Variants in COL24A1 observed in about 807,000 individuals in gnomAD.
COL24A1 encodes the protein collagen type XXIV alpha 1 chain.
A neutral mutation model predicts 253.9 loss-of-function variants in COL24A1; 224 were observed. That is an observed-to-expected ratio of 0.88 (90% CI 0.79 to 0.99). The LOEUF (loss-of-function observed/expected upper bound fraction) is 0.99, where lower values mean the gene tolerates loss of function less well. COL24A1 is among the 50% of genes least tolerant of loss of function. The pLI is 0.00. For synonymous variants in COL24A1, 685 were observed against 673.7 expected, an observed-to-expected ratio of 1.02 and a Z score of -0.26; for missense variants, 2,131 against 2,068.5, an observed-to-expected ratio of 1.03 and a Z score of -0.59.
In COL24A1 at chr1:86,065,853, C is replaced by T. The variant is rs553061936; in HGVS notation, c.1708-2094G>A. Among the ~76,000 whole-genome samples, 468 of 151,072 alleles carry T rather than the reference C, an allele frequency of 3.1e-3. 1 individual carries two copies. Among genetic ancestry groups the T allele is most frequent in the African/African-American group, 9.3e-3 (382 of 41,086 alleles). On this transcript the variant is annotated intron_variant, in intron 7 of 59. Transcript: ENST00000370571. Reference sequence around the variant, plus strand: ...TTAAAACAACAACAATAGAAAAATGCAAGTACTTAACAGTGGGGGTAGGAG... The same window carrying T: ...TTAAAACAACAACAATAGAAAAATGTAAGTACTTAACAGTGGGGGTAGGAG...
At chr1:85,995,287 T>G (rs987136800) in intron 19 of COL24A1, among the ~76,000 whole-genome samples, 13 of 152,088 alleles carry the variant, frequency 8.5e-5, no homozygotes, top group Non-Finnish European at 1.6e-4. Context: ...GGTCTCGTTT[T>G]GTTGCCCAGG....
chr1:85,755,537 A>ACC (rs1666145953), intron 55 of COL24A1, among the ~76,000 whole-genome samples: 1 of 2,730 alleles, frequency 3.7e-4, no homozygotes, highest in Non-Finnish European at 8.6e-3. Flanking sequence ...AGACATAAAG[A>ACC]ATGAAATATA....
chr1:86,049,543 C>T (rs1700153292), intron 11 of COL24A1, among the ~76,000 whole-genome samples: 2 of 152,042 alleles, frequency 1.3e-5, no homozygotes, highest in African/African-American at 4.8e-5. Context: ...TGAAGGAATA[C>T]AAAGATAAAT....
At chr1:85,843,178 T>C (rs1349258881) in intron 39 of COL24A1, among the ~76,000 whole-genome samples, 2 of 152,206 alleles carry the variant, frequency 1.3e-5, no homozygotes, top group Admixed American at 1.3e-4. Context: ...ACTAAGTCTC[T>C]TGATTCTGCA....
intron 32 of COL24A1, 102 bp downstream of exon 32, chr1:85,889,458 G>T (rs1682871548): frequency 1.0e-6 from 1 of 973,478 alleles, no homozygotes; most frequent in Non-Finnish European, 1.6e-6. Context: ...GATAAATGCT[G>T]CTTTCTAAAA....
intron 20 of COL24A1, among the ~76,000 whole-genome samples, chr1:85,983,455 G>A (rs759013912): frequency 6.6e-6 from 1 of 151,990 alleles, no homozygotes; most frequent in East Asian, 1.9e-4. Context: ...GAGGTTTTTA[G>A]TGAACTGGCA....
intron 20 of COL24A1, among the ~76,000 whole-genome samples, chr1:85,973,356 A>C (rs1692361034): frequency 6.6e-6 from 1 of 152,170 alleles, no homozygotes; most frequent in Non-Finnish European, 1.5e-5. Context: ...TGGTCCATTA[A>C]AATAAAAATT....
intron 59 of COL24A1, among the ~76,000 whole-genome samples, chr1:85,732,915 A>G (rs1445850957): frequency 6.6e-6 from 1 of 152,222 alleles, no homozygotes; most frequent in African/African-American, 2.4e-5. Context: ...GTTTGACCAT[A>G]GTTTACAACA....
intron 6 of COL24A1, 120 bp downstream of exon 6, chr1:86,092,147 A>C (rs1448953512): frequency 1.4e-6 from 1 of 719,962 alleles, no homozygotes; most frequent in African/African-American, 1.8e-5. Context: ...AAAATCCAAC[A>C]ATTAATTCTC....
chr1:85,974,632 C>G (rs1692485051), intron 20 of COL24A1, among the ~76,000 whole-genome samples: 1 of 152,042 alleles, frequency 6.6e-6, no homozygotes, highest in Non-Finnish European at 1.5e-5. Flanking sequence ...GAGGTAGACA[C>G]AATTAGAGAG....
At chr1:86,093,336 G>A (rs1251084508) in intron 5 of COL24A1, among the ~76,000 whole-genome samples, 2 of 151,964 alleles carry the variant, frequency 1.3e-5, no homozygotes, top group Non-Finnish European at 2.9e-5. Flanking sequence ...CAGTTTTAAT[G>A]TTCTGTATAT....
At chr1:86,079,312 T>C (rs1702467683) in intron 7 of COL24A1, among the ~76,000 whole-genome samples, 1 of 152,116 alleles carries the variant, frequency 6.6e-6, no homozygotes, top group Admixed American at 6.6e-5. Flanking sequence ...TCAAAATAGA[T>C]TAAAGACTTA....
At chr1:86,098,269 AAAAG>A (rs1704159968) in intron 5 of COL24A1, among the ~76,000 whole-genome samples, 2 of 152,112 alleles carry the variant, frequency 1.3e-5, no homozygotes, top group Admixed American at 1.3e-4. Flanking sequence ...GAAGAAAATT[AAAAG>A]AAAGAAGGAA....
At chr1:85,926,266 G>GC (rs1036623532) in intron 24 of COL24A1, among the ~76,000 whole-genome samples, 6 of 152,322 alleles carry the variant, frequency 3.9e-5, no homozygotes, top group African/African-American at 1.4e-4. Context: ...AGACAGTGTG[G>GC]CAATTCCTCA....
At position 85,767,133 on chromosome 1, in the gene COL24A1, T is replaced by G. The variant is rs533300255; in HGVS notation, c.4375-5567A>C. Among the ~76,000 whole-genome samples, 3 of 136,458 alleles carry G rather than the reference T, an allele frequency of 2.2e-5. No homozygotes were observed. In the East Asian group the frequency reaches 6.4e-4, roughly 29 times the overall value. The allele number at this position is 136,458 out of a possible 152,430, so 89.5% of individuals were successfully genotyped here. A position where few individuals can be genotyped will look rare whatever the true frequency, so the allele number is the denominator to read the frequency against. ...ATAATAATAATAATAATAATAATAA[T>G]AAGATTGACAAACCAATTTGATAGA... is the stretch of plus-strand genomic sequence containing the variant. On this transcript the variant is annotated intron_variant, in intron 53 of 59. Coordinates refer to ENST00000370571, the MANE Select transcript of COL24A1 (RefSeq NM_152890.7).
rs565281417 is a variant in COL24A1 at position 85,777,124 on chromosome 1, A to G, written c.4339-1415T>C. Reference sequence around the variant, plus strand: ...ACCACTAAGCCCAGATAATTTTTGTATTTTCAGTAGAGATGGCGTTTCACC... The same window carrying G: ...ACCACTAAGCCCAGATAATTTTTGTGTTTTCAGTAGAGATGGCGTTTCACC... On this transcript the variant is annotated intron_variant, in intron 52 of 59. Coordinates refer to ENST00000370571, the MANE Select transcript of COL24A1 (RefSeq NM_152890.7). Among the ~76,000 whole-genome samples, 11 of 151,592 alleles carry G rather than the reference A, an allele frequency of 7.3e-5. No homozygotes were observed. The South Asian group carries it at 2.1e-3, about 29-fold the overall frequency.
In COL24A1 at chr1:85,734,825, C is replaced by G; in HGVS notation, c.4922G>C (p.Gly1641Ala). The G allele has an allele frequency of 6.2e-7, 1 of 1,614,154 alleles. No homozygotes were observed. The highest frequency in any genetic ancestry group is 1.1e-5 in the South Asian group (1 of 91,086). The change falls in exon 59 of 60, where the codon GGT becomes GCT. Residue 1641 changes from glycine (G) to alanine (A), a missense_variant. Coordinates refer to ENST00000370571, the MANE Select transcript of COL24A1 (RefSeq NM_152890.7). ...TQTSGPGLPI[G>A]FKGWNGQIFK... The stretch of plus-strand genomic sequence containing the variant: ...AATCTGGCCATTCCATCCCTTGAAA[C>G]CAATAGGCAATCCTGGGCCACTTGT...
chr1:85,904,032 T>TC (rs1684571692), intron 28 of COL24A1, among the ~76,000 whole-genome samples: 1 of 152,116 alleles, frequency 6.6e-6, no homozygotes, highest in Non-Finnish European at 1.5e-5. Context: ...GAGGACTGCT[T>TC]CCCCCTATAT....
At chr1:86,049,994 G>T in intron 11 of COL24A1, 130 bp downstream of exon 11, 1 of 625,306 alleles carries the variant, frequency 1.6e-6, no homozygotes, top group Non-Finnish European at 2.6e-6. Context: ...ATTTCTGGCA[G>T]GTGATTTTTC....
Sources: allele counts gnomAD v4.1 joint callset (sites outside exome capture counted in the v4.1 genomes callset), GRCh38; gene constraint gnomAD v4.1.1; transcripts MANE v1.5; gene names NCBI Gene and HGNC (gene_info 2026-07-23, HGNC 2026-07-21).